TTC29: variants seen among roughly 807,000 people sequenced by gnomAD.
The protein encoded by TTC29 is tetratricopeptide repeat protein 29.
In TTC29, 49 loss-of-function variants were observed where a neutral mutation model predicts 58.1. That is an observed-to-expected ratio of 0.84 (90% CI 0.67 to 1.07). The LOEUF is 1.07. Ranked by LOEUF, TTC29 falls within the 50% of genes least tolerant of loss-of-function variation. The pLI, the probability that TTC29 is intolerant of heterozygous loss-of-function variation, is 0.00. For synonymous variants in TTC29, 209 were observed against 196.8 expected (o/e 1.06, Z -0.52); for missense variants, 582 against 555.6 (o/e 1.05, Z -0.48).
chr4:146,881,690 C>T (rs535685568), intron 6 of TTC29, among the ~76,000 whole-genome samples: 61 of 152,080 alleles, frequency 4.0e-4, no homozygotes, highest in Non-Finnish European at 7.9e-4. Context: ...AACGGCACTA[C>T]ACATGCTGAA....
At chr4:146,800,250 G>T (rs1164871965) in intron 11 of TTC29, among the ~76,000 whole-genome samples, 2 of 152,120 alleles carry the variant, frequency 1.3e-5, no homozygotes, top group African/African-American at 4.8e-5. Context: ...GTGAGTCACT[G>T]TTCTATTTCA....
chr4:146,743,573 T>C (rs1367538335), intron 11 of TTC29, among the ~76,000 whole-genome samples: 1 of 152,176 alleles, frequency 6.6e-6, no homozygotes, highest in Non-Finnish European at 1.5e-5. Flanking sequence ...CTCCCAGAAA[T>C]ATTTAGTCCA....
At chr4:146,924,204 T>C (rs1331867690) in intron 4 of TTC29, among the ~76,000 whole-genome samples, 3 of 151,870 alleles carry the variant, frequency 2.0e-5, no homozygotes, top group Non-Finnish European at 4.4e-5. Context: ...AATTAATACA[T>C]GTGATAGGTT....
chr4:146,884,364 G>A (rs1356978651), intron 6 of TTC29, among the ~76,000 whole-genome samples: 1 of 152,054 alleles, frequency 6.6e-6, no homozygotes, highest in Non-Finnish European at 1.5e-5. Context: ...GCATATAGTG[G>A]CAGTGGGAAG....
intron 11 of TTC29, among the ~76,000 whole-genome samples, chr4:146,781,161 C>T (rs760200472): frequency 7.2e-5 from 11 of 151,946 alleles, no homozygotes; most frequent in Non-Finnish European, 1.3e-4. Flanking sequence ...CAGAAATACA[C>T]CTGTCAGTAT....
intron 4 of TTC29, among the ~76,000 whole-genome samples, chr4:146,928,252 T>C (rs1735071471): frequency 6.6e-6 from 1 of 152,184 alleles, no homozygotes; most frequent in African/African-American, 2.4e-5. Flanking sequence ...CTGCCTAGAT[T>C]CAAAGTCAGC....
chr4:146,750,240 C>A (rs1012522105), intron 11 of TTC29, among the ~76,000 whole-genome samples: 26 of 152,280 alleles, frequency 1.7e-4, no homozygotes, highest in African/African-American at 6.0e-4. Flanking sequence ...ATCTCCCAAC[C>A]TTGTGATCCG....
chr4:146,714,966 G>A (rs542578217), intron 11 of TTC29, among the ~76,000 whole-genome samples: 22 of 152,116 alleles, frequency 1.4e-4, no homozygotes, highest in African/African-American at 5.1e-4. Context: ...CCAAGTAGCT[G>A]GGACTACAGG....
chr4:146,843,468 A>G (rs1471805311), intron 8 of TTC29, among the ~76,000 whole-genome samples: 6 of 152,158 alleles, frequency 3.9e-5, no homozygotes, highest in Non-Finnish European at 8.8e-5. Context: ...AGTATCTCCC[A>G]TACATTGACT....
At position 146,880,956 on chromosome 4, in the gene TTC29, G is replaced by GA. The variant is rs1268288317; in HGVS notation, c.587-6029dup. 2.0e-5 allele frequency among the ~76,000 whole-genome samples: 3 copies of GA among 150,474 alleles called. 1 individual carries two copies. In the East Asian group the frequency reaches 5.8e-4, roughly 29 times the overall value. On this transcript the variant is annotated intron_variant, in intron 6 of 12. Coordinates refer to ENST00000325106, the MANE Select transcript of TTC29 (RefSeq NM_031956.4). The stretch of plus-strand genomic sequence containing the variant: ...TTGAAGGGGGAGGGAAACAAAAAAA[G>GA]AAAAAAAAGGAAAAAAAGAAGTTGC...
chr4:146,789,062 C>T (rs1240422925), intron 11 of TTC29, among the ~76,000 whole-genome samples: 1 of 152,070 alleles, frequency 6.6e-6, no homozygotes, highest in Non-Finnish European at 1.5e-5. Flanking sequence ...TAATGTTCTG[C>T]AGTACTAATA....
At chr4:146,912,169 C>T (rs530666032) in intron 4 of TTC29, among the ~76,000 whole-genome samples, 1 of 152,228 alleles carries the variant, frequency 6.6e-6, no homozygotes, top group African/African-American at 2.4e-5. Context: ...TGTGTTGGGC[C>T]ACATTCAAAG....
chr4:146,862,939 G>A (rs986620734), intron 8 of TTC29, among the ~76,000 whole-genome samples: 2 of 151,950 alleles, frequency 1.3e-5, no homozygotes, highest in Non-Finnish European at 2.9e-5. Context: ...TGGCTAACAC[G>A]GTGAAACCCC....
At chr4:146,930,565 G>C (rs192814886) in intron 4 of TTC29, among the ~76,000 whole-genome samples, 5 of 152,172 alleles carry the variant, frequency 3.3e-5, no homozygotes, top group Non-Finnish European at 7.4e-5. Flanking sequence ...AACAGGATAC[G>C]GGTATAGGCC....
intron 10 of TTC29, among the ~76,000 whole-genome samples, chr4:146,814,545 G>A (rs1053023660): frequency 1.3e-5 from 2 of 152,042 alleles, no homozygotes; most frequent in African/African-American, 4.8e-5. Context: ...GGCCAACATG[G>A]TGAAACCCTG....
chr4:146,831,051 C>A (rs1323871580), intron 9 of TTC29, among the ~76,000 whole-genome samples: 1 of 152,094 alleles, frequency 6.6e-6, no homozygotes, highest in African/African-American at 2.4e-5. Context: ...CCTGAGTACT[C>A]CTCTATAACC....
chr4:146,906,942 T>C (rs1234959628), intron 5 of TTC29, among the ~76,000 whole-genome samples: 1 of 152,140 alleles, frequency 6.6e-6, no homozygotes, highest in Non-Finnish European at 1.5e-5. Context: ...GCCAACATGG[T>C]GAAACCCCGT....
intron 6 of TTC29, among the ~76,000 whole-genome samples, chr4:146,899,331 T>A (rs1441472055): frequency 6.6e-6 from 1 of 152,218 alleles, no homozygotes; most frequent in African/African-American, 2.4e-5. Context: ...GGAACGTCTA[T>A]TGATCCAGTG....
At chr4:146,926,413 A>G (rs1398513245) in intron 4 of TTC29, among the ~76,000 whole-genome samples, 1 of 151,910 alleles carries the variant, frequency 6.6e-6, no homozygotes, top group African/African-American at 2.4e-5. Flanking sequence ...TACTTTATTT[A>G]TTTGCCTTCT....
Sources: gnomAD v4.1 joint callset for allele counts (sites outside exome capture counted in the v4.1 genomes callset) on GRCh38, gnomAD v4.1.1 for gene constraint, MANE v1.5 for transcripts, NCBI Gene and HGNC (gene_info 2026-07-23, HGNC 2026-07-21) for gene names.